CPAMD8: variants seen among roughly 807,000 people sequenced by gnomAD.
The protein encoded by CPAMD8 is C3 and PZP like alpha-2-macroglobulin domain containing 8.
A neutral mutation model predicts 224.7 loss-of-function variants in CPAMD8; 146 were observed. That is an observed-to-expected ratio of 0.65 (90% CI 0.57 to 0.75). The LOEUF is 0.75. Ranked by LOEUF, CPAMD8 falls within the 30% of genes least tolerant of loss-of-function variation. The probability of loss-of-function intolerance (pLI) is 0.00; values close to 1 mark genes in which losing one functional copy is unlikely to be tolerated. For missense variants in CPAMD8, 2,301 were observed against 2,537.5 expected (o/e 0.91, Z 2.00); for synonymous variants, 966 against 1,044.6 (o/e 0.92, Z 1.45).
chr19:16,895,960 G>A, intron 41 of CPAMD8: 1 of 690,008 alleles, frequency 1.4e-6, no homozygotes, highest in African/African-American at 1.8e-5. Flanking sequence ...GCTGTTCGCT[G>A]GTGGGTGTTG....
chr19:16,937,059 T>TTCTG (rs2053711991), intron 23 of CPAMD8, among the ~76,000 whole-genome samples: 1 of 106,260 alleles, frequency 9.4e-6, no homozygotes, highest in African/African-American at 4.4e-5. Context: ...CTTCCTTCCC[T>TTCTG]CCTGCCTTCC....
Position 16,921,915 on chromosome 19 carries a change from C to G in CPAMD8, c.3619G>C (p.Gly1207Arg), listed in dbSNP as rs1350409476. ...YSAFGERDAS[G>R]SMWLTAFVLK... ...GCGGTGGGGACTCACCACATGCTCCCCGATGCGTCCCGCTCCCCAAACGCG... is the reference window on the plus strand; with the variant it reads ...GCGGTGGGGACTCACCACATGCTCCGCGATGCGTCCCGCTCCCCAAACGCG... The change falls in exon 27 of 42, where the codon GGG becomes CGG. Residue 1207 changes from glycine to arginine, a missense_variant. Transcript: ENST00000443236. 1.3e-6 allele frequency: 2 copies of G among 1,544,236 alleles called. No homozygotes were observed. Among genetic ancestry groups the G allele is most frequent in the Non-Finnish European group, 1.7e-6 (2 of 1,146,230 alleles).
At chr19:16,956,525 A>T (rs1004141380) in intron 19 of CPAMD8, among the ~76,000 whole-genome samples, 6 of 152,132 alleles carry the variant, frequency 3.9e-5, no homozygotes, top group African/African-American at 1.4e-4. Context: ...TCAAGGGACC[A>T]TCCTTAACAT....
intron 14 of CPAMD8, among the ~76,000 whole-genome samples, chr19:16,978,270 A>G (rs2122731518): frequency 1.3e-5 from 2 of 152,180 alleles, no homozygotes; most frequent in Admixed American, 1.3e-4. Context: ...TCTGGCCCCT[A>G]CTAGGCAATG....
rs556684678 is a variant in CPAMD8, at chr19:16,976,218, G to A, written c.1759-67C>T. The A allele has an allele frequency of 2.0e-5, 28 of 1,383,828 alleles. No homozygotes were observed. The East Asian group carries it at 6.2e-4, about 30-fold the overall frequency. 85.7% of individuals were successfully genotyped at this position (1,383,828 alleles called of 1,614,324 possible). On this transcript the variant is annotated intron_variant, in intron 15 of 41. Coordinates refer to ENST00000443236, the MANE Select transcript of CPAMD8 (RefSeq NM_015692.5). Reference sequence around the variant, plus strand: ...TGGCTGTGAGTGGTGGCTCACGCCTGTAATCCCAACACTTTGGGAGGCCGA... The same window carrying A: ...TGGCTGTGAGTGGTGGCTCACGCCTATAATCCCAACACTTTGGGAGGCCGA...
rs1482589258 is a variant in CPAMD8, at chr19:16,967,008, TA to T, written c.2213+3882del. ...TACTGGATATATACCCAAAGGATTA[TA>T]AATTATGCTACTATAAAGACACATG... is the stretch of plus-strand genomic sequence containing the variant. On this transcript the variant is annotated intron_variant, in intron 18 of 41. Coordinates refer to ENST00000443236, the MANE Select transcript of CPAMD8 (RefSeq NM_015692.5). 1.3e-4 allele frequency among the ~76,000 whole-genome samples: 20 copies of T among 152,168 alleles called. 1 individual carries two copies. The highest frequency in any genetic ancestry group is 1.5e-5 in the Non-Finnish European group (1 of 68,040).
chr19:16,959,288 C>T (rs1026394179), intron 18 of CPAMD8, among the ~76,000 whole-genome samples: 1 of 151,796 alleles, frequency 6.6e-6, no homozygotes, highest in African/African-American at 2.4e-5. Context: ...ATTCTCATGC[C>T]TCAGCCTCCT....
At chr19:17,020,586 T>C (rs2056928504) in intron 2 of CPAMD8, among the ~76,000 whole-genome samples, 1 of 152,102 alleles carries the variant, frequency 6.6e-6, no homozygotes, top group African/African-American at 2.4e-5. Context: ...AGCTGAGCTA[T>C]TCAGGGCAAA....
chr19:16,941,265 A>G (rs537923128), intron 22 of CPAMD8, among the ~76,000 whole-genome samples: 5 of 152,292 alleles, frequency 3.3e-5, no homozygotes, highest in Non-Finnish European at 5.9e-5. Flanking sequence ...ACATAATCCT[A>G]AAAATTGTGC....
At chr19:16,951,294 C>T (rs1190778242) in intron 20 of CPAMD8, among the ~76,000 whole-genome samples, 5 of 152,044 alleles carry the variant, frequency 3.3e-5, no homozygotes, top group African/African-American at 1.2e-4. Flanking sequence ...TAGGCCAAAC[C>T]GGATCCACCA....
intron 26 of CPAMD8, among the ~76,000 whole-genome samples, chr19:16,922,749 C>T (rs1334799138): frequency 6.6e-6 from 1 of 152,050 alleles, no homozygotes; most frequent in Non-Finnish European, 1.5e-5. Flanking sequence ...AACTGCTCCA[C>T]ACCACATCTG....
At chr19:16,956,081 C>T (rs1381717588) in intron 19 of CPAMD8, among the ~76,000 whole-genome samples, 1 of 152,150 alleles carries the variant, frequency 6.6e-6, no homozygotes, top group East Asian at 1.9e-4. Flanking sequence ...ATCCTTGCTC[C>T]AGCCAACAAG....
intron 35 of CPAMD8, among the ~76,000 whole-genome samples, chr19:16,902,250 C>T (rs1451567137): frequency 6.6e-6 from 1 of 152,138 alleles, no homozygotes; most frequent in Non-Finnish European, 1.5e-5. Context: ...GGCGAGGTGG[C>T]TCACACCTGT....
chr19:16,947,040 AG>A (rs760877254), intron 21 of CPAMD8, 33 bp downstream of exon 21: 8 of 1,555,452 alleles, frequency 5.1e-6, no homozygotes, highest in African/African-American at 1.4e-5. Flanking sequence ...TGGCCTGGAG[AG>A]GGGGGACACC....
At chr19:16,893,556 C>A (rs777979587) in intron 41 of CPAMD8, 4 of 467,776 alleles carry the variant, frequency 8.6e-6, no homozygotes, top group Non-Finnish European at 1.5e-5. Context: ...AATACCACCC[C>A]GGAGAAGATG....
intron 19 of CPAMD8, among the ~76,000 whole-genome samples, chr19:16,954,500 T>C (rs906016339): frequency 6.6e-6 from 1 of 152,162 alleles, no homozygotes; most frequent in Non-Finnish European, 1.5e-5. Context: ...TACCACATGA[T>C]TCAGCAATTC....
intron 5 of CPAMD8, among the ~76,000 whole-genome samples, chr19:17,009,908 C>T (rs2056602164): frequency 6.6e-6 from 1 of 152,160 alleles, no homozygotes; most frequent in South Asian, 2.1e-4. Flanking sequence ...TCCAGTATTG[C>T]TTCTGTGGAT....
intron 9 of CPAMD8, among the ~76,000 whole-genome samples, chr19:17,001,932 C>G (rs1387023001): frequency 6.7e-6 from 1 of 150,310 alleles, no homozygotes; most frequent in East Asian, 2.0e-4. Context: ...GGGGAACCCA[C>G]AGGGGAGGAG....
intron 29 of CPAMD8, among the ~76,000 whole-genome samples, chr19:16,911,113 T>G (rs964244824): frequency 6.6e-6 from 1 of 151,984 alleles, no homozygotes; most frequent in Non-Finnish European, 1.5e-5. Flanking sequence ...AAGACAGGGG[T>G]CCCCAACCTC....
Sources: gnomAD v4.1 joint callset for allele counts (sites outside exome capture counted in the v4.1 genomes callset) on GRCh38, gnomAD v4.1.1 for gene constraint, MANE v1.5 for transcripts, NCBI Gene and HGNC (gene_info 2026-07-23, HGNC 2026-07-21) for gene names.